Variants in ANKRD6 observed in about 807,000 individuals in gnomAD.
The protein encoded by ANKRD6 is ankyrin repeat domain-containing protein 6.
ANKRD6 carries 56 observed loss-of-function variants against 82.3 expected under a neutral mutation model. The ratio of observed to expected loss-of-function variants is 0.68; its 90% CI spans 0.55 to 0.85. The LOEUF is 0.85. ANKRD6 is among the 40% of genes least tolerant of loss of function. The pLI is 0.00. For synonymous variants in ANKRD6, 347 were observed against 352.1 expected, an observed-to-expected ratio of 0.99 and a Z score of 0.16; for missense variants, 852 against 907.6, an observed-to-expected ratio of 0.94 and a Z score of 0.79.
Position 89,623,955 on chromosome 6 carries a change from A to G in ANKRD6, c.1116A>G (p.Lys372=). Residue 372 remains lysine, a synonymous_variant, in exon 12 of 16, where the codon AAA becomes AAG. Transcript: ENST00000339746. ...QKNLHAHNHP[K]KRNRHRCSSP... ...ACCTGCATGCTCATAATCACCCTAA[A>G]AAGAGGAACAGGCATCGGTGTTCAT... The G allele has an allele frequency of 1.2e-6, 2 of 1,613,888 alleles. No individual in the cohort carries two copies. The highest frequency in any genetic ancestry group is 1.7e-4 in the Middle Eastern group (1 of 6,060).
intron 2 of ANKRD6, among the ~76,000 whole-genome samples, chr6:89,584,133 G>T (rs528846161): frequency 6.6e-6 from 1 of 152,166 alleles, no homozygotes; most frequent in Admixed American, 6.5e-5. Flanking sequence ...GGCACAGCTG[G>T]GTGTCAGCGT....
chr6:89,608,567 A>T lies in ANKRD6; in HGVS notation c.417+2462A>T, dbSNP rs185710792. Reference sequence around the variant, plus strand: ...GCAGGAAATAGAAATGACAGCCTGAAACTCCTTTGTGAACGTAATCTCTGT... The same window carrying T: ...GCAGGAAATAGAAATGACAGCCTGATACTCCTTTGTGAACGTAATCTCTGT... On this transcript the variant is annotated intron_variant, in intron 5 of 15. Coordinates refer to ENST00000339746, the MANE Select transcript of ANKRD6 (RefSeq NM_001242809.2). Among the ~76,000 whole-genome samples the T allele has an allele frequency of 3.2e-3, 486 of 151,926 alleles. 1 individual carries two copies. The highest frequency in any genetic ancestry group is 3.8e-3 in the Non-Finnish European group (260 of 67,964).
At chr6:89,622,092 T>G (rs1803592269) in intron 10 of ANKRD6, 66 bp downstream of exon 10, 1 of 1,483,310 alleles carries the variant, frequency 6.7e-7, no homozygotes, top group Admixed American at 1.9e-5. Flanking sequence ...ACTATCTCCC[T>G]GCTTCGGCCA....
At chr6:89,537,922 A>G (rs1460638986) in intron 1 of ANKRD6, among the ~76,000 whole-genome samples, 3 of 151,586 alleles carry the variant, frequency 2.0e-5, no homozygotes, top group Non-Finnish European at 4.4e-5. Context: ...AGGCAAGAAT[A>G]GTATTATATA....
At chr6:89,577,681 G>A (rs925598947) in intron 2 of ANKRD6, among the ~76,000 whole-genome samples, 24 of 152,162 alleles carry the variant, frequency 1.6e-4, no homozygotes, top group Non-Finnish European at 3.1e-4. Flanking sequence ...GCTGGGCATG[G>A]TGATGCACAC....
chr6:89,625,737 C>CTTTT (rs370616881), intron 13 of ANKRD6, among the ~76,000 whole-genome samples: 3 of 140,168 alleles, frequency 2.1e-5, no homozygotes, highest in African/African-American at 5.3e-5. Flanking sequence ...TTTGTTACAA[C>CTTTT]TTTTTTTTTT....
intron 1 of ANKRD6, among the ~76,000 whole-genome samples, chr6:89,446,770 G>T (rs1293284072): frequency 2.6e-5 from 4 of 152,150 alleles, no homozygotes; most frequent in African/African-American, 9.7e-5. Context: ...CATGTGTCGT[G>T]GGAGGGACCT....
In ANKRD6 at chr6:89,446,787, AG is replaced by A. The variant is rs570250996; in HGVS notation, c.-144+13414del. On this transcript the variant is annotated intron_variant, in intron 1 of 15. Transcript: ENST00000339746. ...TGTGTCGTGGGAGGGACCTGGTGGA[AG>A]GTAATTTAATCATGGGGGCAGTTAC... 9.2e-5 allele frequency among the ~76,000 whole-genome samples: 14 copies of A among 152,308 alleles called. No individual in the cohort carries two copies. The South Asian group carries it at 2.9e-3, about 32-fold the overall frequency.
intron 9 of ANKRD6, 135 bp downstream of exon 9, chr6:89,618,166 A>C (rs746228211): frequency 2.1e-6 from 2 of 953,272 alleles, no homozygotes; most frequent in Non-Finnish European, 1.7e-6. Context: ...AGGTATAGGC[A>C]TGCATGGGGG....
rs201701344 is a variant in ANKRD6, at chr6:89,630,590, C to T, written c.1770C>T (p.Asn590=). 17 of 1,613,762 alleles carry T rather than the reference C, an allele frequency of 1.1e-5. No individual in the cohort carries two copies. Among genetic ancestry groups the T allele is most frequent in the East Asian group, 6.7e-5 (3 of 44,898 alleles). The change falls in exon 16 of 16, where the codon AAC becomes AAT. Residue 590 remains asparagine (N), a synonymous_variant. Coordinates refer to ENST00000339746, the MANE Select transcript of ANKRD6 (RefSeq NM_001242809.2). ...SSDCTGSRLR[N]VKVQTALLPM... is the part of the protein sequence containing the mutation. ...ACTGTACAGGCTCCCGACTGAGAAA[C>T]GTCAAGGTCCAGACAGCCTTGCTAC... is the stretch of plus-strand genomic sequence containing the variant.
At chr6:89,557,514 A>G (rs1786772296) in intron 1 of ANKRD6, among the ~76,000 whole-genome samples, 4 of 152,164 alleles carry the variant, frequency 2.6e-5, no homozygotes, top group Non-Finnish European at 4.4e-5. Context: ...CAACAGAGAA[A>G]TCATGTAAAG....
At chr6:89,592,916 A>G (rs1346685632) in intron 2 of ANKRD6, among the ~76,000 whole-genome samples, 1 of 152,180 alleles carries the variant, frequency 6.6e-6, no homozygotes, top group East Asian at 1.9e-4. Flanking sequence ...TCTACTAAAA[A>G]TACAAAAATT....
At chr6:89,473,401 TA>T (rs535883417) in intron 1 of ANKRD6, among the ~76,000 whole-genome samples, 2,392 of 133,740 alleles carry the variant, frequency 0.018, 48 homozygotes, top group African/African-American at 0.051. Flanking sequence ...AGACTCTGTC[TA>T]AAAAAAAAAA....
chr6:89,628,914 A>G (rs966477864), intron 14 of ANKRD6, 198 bp from the exon 15 acceptor site: 15 of 590,056 alleles, frequency 2.5e-5, no homozygotes, highest in East Asian at 6.3e-5. Flanking sequence ...CTGGGGATCA[A>G]ATTTCAACAT....
intron 2 of ANKRD6, among the ~76,000 whole-genome samples, chr6:89,595,452 T>G (rs1382896612): frequency 6.6e-6 from 1 of 152,064 alleles, no homozygotes; most frequent in Non-Finnish European, 1.5e-5. Context: ...GGAAGAACCT[T>G]TCCTAATCAG....
chr6:89,482,953 G>C (rs1451007093), intron 1 of ANKRD6, among the ~76,000 whole-genome samples: 1 of 152,122 alleles, frequency 6.6e-6, no homozygotes, highest in African/African-American at 2.4e-5. Flanking sequence ...TTGTTAACTT[G>C]TTTTTGGCAC....
intron 1 of ANKRD6, among the ~76,000 whole-genome samples, chr6:89,436,880 G>T (rs1304577221): frequency 1.3e-5 from 2 of 152,132 alleles, no homozygotes. Context: ...TCCCGTCAAG[G>T]GGGAAGAGAT....
At chr6:89,572,585 C>T (rs1024599877) in intron 2 of ANKRD6, among the ~76,000 whole-genome samples, 26 of 152,192 alleles carry the variant, frequency 1.7e-4, no homozygotes, top group African/African-American at 5.3e-4. Flanking sequence ...ATTGTCATAT[C>T]CAAGAAATCA....
intron 2 of ANKRD6, among the ~76,000 whole-genome samples, chr6:89,567,708 A>C (rs745847714): frequency 3.3e-5 from 5 of 152,232 alleles, no homozygotes; most frequent in Non-Finnish European, 7.3e-5. Flanking sequence ...GTTTAAATAC[A>C]CTGGCAAAGT....
Sources: gnomAD v4.1 joint callset for allele counts (sites outside exome capture counted in the v4.1 genomes callset) on GRCh38, gnomAD v4.1.1 for gene constraint, MANE v1.5 for transcripts, NCBI Gene and HGNC (gene_info 2026-07-23, HGNC 2026-07-21) for gene names.